PDZRN3: variants seen among roughly 807,000 people sequenced by gnomAD.
PDZRN3 encodes PDZ domain containing ring finger 3.
A neutral mutation model predicts 85.7 loss-of-function variants in PDZRN3; 38 were observed. That is an observed-to-expected ratio of 0.44 (90% CI 0.34 to 0.58). PDZRN3 has a LOEUF of 0.58. Ranked by LOEUF, PDZRN3 falls within the 20% of genes least tolerant of loss-of-function variation. The pLI, the probability that PDZRN3 is intolerant of heterozygous loss-of-function variation, is 0.01. For missense variants in PDZRN3, 1,629 were observed against 1,506.4 expected (o/e 1.08, Z -1.35); for synonymous variants, 759 against 638.0 (o/e 1.19, Z -2.86).
intron 3 of PDZRN3, among the ~76,000 whole-genome samples, chr3:73,577,525 C>G (rs1354611914): frequency 6.6e-6 from 1 of 152,158 alleles, no homozygotes; most frequent in South Asian, 2.1e-4. Context: ...TAGAATGGTT[C>G]TCTGGTCTCC....
intron 3 of PDZRN3, among the ~76,000 whole-genome samples, chr3:73,423,756 A>G (rs190831974): frequency 7.8e-4 from 119 of 152,306 alleles, no homozygotes; most frequent in Admixed American, 4.9e-3. Context: ...TCTTCCCCTT[A>G]TTAGTATTTC....
chr3:73,605,485 CAAAT>C (rs1472691395), intron 2 of PDZRN3, among the ~76,000 whole-genome samples: 1 of 152,150 alleles, frequency 6.6e-6, no homozygotes, highest in African/African-American at 2.4e-5. Flanking sequence ...TGAGGACTAA[CAAAT>C]GAATGATATG....
chr3:73,527,899 G>A (rs915548237), intron 3 of PDZRN3, among the ~76,000 whole-genome samples: 18 of 152,090 alleles, frequency 1.2e-4, no homozygotes, highest in Non-Finnish European at 8.8e-5. Flanking sequence ...ACTCGCATGA[G>A]GCAAAACACG....
chr3:73,520,805 A>G (rs1052264448), intron 3 of PDZRN3, among the ~76,000 whole-genome samples: 5 of 152,182 alleles, frequency 3.3e-5, no homozygotes, highest in Non-Finnish European at 5.9e-5. Context: ...TTTGAGGAAG[A>G]AACCTGAAGC....
intron 3 of PDZRN3, among the ~76,000 whole-genome samples, chr3:73,531,648 A>G (rs113189735): frequency 0.043 from 6,490 of 152,298 alleles, 465 homozygotes; most frequent in African/African-American, 0.15. Context: ...TCATTGGTGT[A>G]TAAGGGACTG....
chr3:73,536,656 G>C (rs1224141269), intron 3 of PDZRN3, among the ~76,000 whole-genome samples: 1 of 152,162 alleles, frequency 6.6e-6, no homozygotes, highest in Non-Finnish European at 1.5e-5. Context: ...GAGACTGAAA[G>C]GAAGGCCATG....
At chr3:73,528,170 T>G (rs1704569084) in intron 3 of PDZRN3, among the ~76,000 whole-genome samples, 1 of 152,182 alleles carries the variant, frequency 6.6e-6, no homozygotes, top group Admixed American at 6.5e-5. Context: ...CTTGGATCTC[T>G]CCTCCTTAGA....
chr3:73,518,899 T>C (rs770470970), intron 3 of PDZRN3, among the ~76,000 whole-genome samples: 5 of 152,162 alleles, frequency 3.3e-5, no homozygotes, highest in Non-Finnish European at 5.9e-5. Context: ...ATGAATGTTG[T>C]GGGAGCACAA....
chr3:73,484,152 T>C (rs895699168), intron 3 of PDZRN3, among the ~76,000 whole-genome samples: 1 of 151,650 alleles, frequency 6.6e-6, no homozygotes, highest in African/African-American at 2.4e-5. Flanking sequence ...TGACAGCGGG[T>C]GTGTGAGAAG....
At chr3:73,552,193 T>C (rs906085081) in intron 3 of PDZRN3, among the ~76,000 whole-genome samples, 1 of 151,778 alleles carries the variant, frequency 6.6e-6, no homozygotes, top group Non-Finnish European at 1.5e-5. Context: ...CACCTAAATG[T>C]TGCCTCTTAG....
At chr3:73,599,332 A>C (rs113860221) in intron 3 of PDZRN3, among the ~76,000 whole-genome samples, 373 of 152,348 alleles carry the variant, frequency 2.4e-3, no homozygotes, top group African/African-American at 8.8e-3. Context: ...TGCTAACTGA[A>C]ATAAGCCAGT....
chr3:73,510,179 G>A (rs1704137922), intron 3 of PDZRN3, among the ~76,000 whole-genome samples: 2 of 152,302 alleles, frequency 1.3e-5, no homozygotes, highest in Admixed American at 1.3e-4. Context: ...CCTACTGCAC[G>A]CTTTCTGCCT....
intron 8 of PDZRN3, among the ~76,000 whole-genome samples, chr3:73,386,824 G>A (rs1701402621): frequency 6.6e-6 from 1 of 151,200 alleles, no homozygotes. Flanking sequence ...CCCATCTGTG[G>A]AGAATCAGAT....
intron 5 of PDZRN3, among the ~76,000 whole-genome samples, chr3:73,400,342 T>G (rs1461764738): frequency 1.3e-5 from 2 of 152,220 alleles, no homozygotes; most frequent in African/African-American, 4.8e-5. Context: ...CTCTAAATAT[T>G]TTAAACCTTA....
chr3:73,576,114 T>A (rs371176492), intron 3 of PDZRN3, among the ~76,000 whole-genome samples: 9 of 151,870 alleles, frequency 5.9e-5, no homozygotes, highest in South Asian at 2.1e-4. Context: ...ATACTCTCTC[T>A]CACACACACA....
rs367740961 is a variant in PDZRN3 at position 73,384,499 on chromosome 3, G to A, written c.2067C>T (p.Asn689=). 5.0e-6 allele frequency: 8 copies of A among 1,613,492 alleles called. No individual in the cohort carries two copies. Among genetic ancestry groups the A allele is most frequent in the African/African-American group, 2.7e-5 (2 of 74,946 alleles). The change falls in exon 10 of 10, where the codon AAC becomes AAT. Residue 689 remains asparagine (N), a synonymous_variant. Transcript: ENST00000263666. The part of the protein sequence containing the change: ...ESVDKELELL[N]EELRSIELEC... ...CCAGCTCGATGCTGCGCAGCTCTTC[G>A]TTCAGCAGCTCCAGCTCCTTGTCCA... is the stretch of plus-strand genomic sequence containing the variant.
intron 3 of PDZRN3, among the ~76,000 whole-genome samples, chr3:73,460,573 T>C (rs967214828): frequency 6.6e-6 from 1 of 152,210 alleles, no homozygotes; most frequent in Non-Finnish European, 1.5e-5. Context: ...ATGTCAGGTA[T>C]CTGACAAATG....
Position 73,383,029 on chromosome 3 carries a change from T to C in PDZRN3, c.*336A>G. 4.9e-6 allele frequency: 1 copy of C among 205,292 alleles called. No individual in the cohort carries two copies. Among genetic ancestry groups the C allele is most frequent in the Non-Finnish European group, 9.8e-6 (1 of 101,874 alleles). 12.7% of individuals were successfully genotyped at this position (205,292 alleles called of 1,614,324 possible). ...AGCGTGTTTAACTTTTTTATATGAA[T>C]ATAGTTTAAACAAGTTATTCTGTGA... On this transcript the variant is annotated 3_prime_UTR_variant, in exon 10 of 10. Transcript: ENST00000263666.
chr3:73,392,150 C>T lies in PDZRN3; in HGVS notation c.1255-1034G>A, dbSNP rs141608317. On this transcript the variant is annotated intron_variant, in intron 5 of 9. Transcript: ENST00000263666. ...TCCCCGATGAAAGGCGGGTGCCAGGCGCCACGGACACTTCCCAGGTGGAGC... is the reference window on the plus strand; with the variant it reads ...TCCCCGATGAAAGGCGGGTGCCAGGTGCCACGGACACTTCCCAGGTGGAGC... 1.9e-3 allele frequency among the ~76,000 whole-genome samples: 294 copies of T among 152,318 alleles called. 1 individual carries two copies. The highest frequency in any genetic ancestry group is 6.7e-3 in the African/African-American group (278 of 41,568).
Sources: allele counts gnomAD v4.1 joint callset (sites outside exome capture counted in the v4.1 genomes callset), GRCh38; gene constraint gnomAD v4.1.1; transcripts MANE v1.5; gene names NCBI Gene and HGNC (gene_info 2026-07-23, HGNC 2026-07-21).